MBOAT1: variants seen among roughly 807,000 people sequenced by gnomAD.
MBOAT1 encodes membrane bound glycerophospholipid O-acyltransferase 1.
A neutral mutation model predicts 64.4 loss-of-function variants in MBOAT1; 67 were observed. That is an observed-to-expected ratio of 1.04 (90% confidence interval 0.85 to 1.27). The LOEUF (loss-of-function observed/expected upper bound fraction) is 1.27, where lower values mean the gene tolerates loss of function less well. Among genes scored for constraint, MBOAT1 ranks in the 50% most tolerant of loss-of-function variants. MBOAT1 has a pLI of 0.00. For synonymous variants in MBOAT1, 229 were observed against 218.9 expected (o/e 1.05, Z -0.41); for missense variants, 563 against 604.6 (o/e 0.93, Z 0.72).
intron 6 of MBOAT1, among the ~76,000 whole-genome samples, chr6:20,127,558 A>C (rs1760696369): frequency 6.6e-6 from 1 of 152,160 alleles, no homozygotes; most frequent in African/African-American, 2.4e-5. Context: ...CAGCAGCGGC[A>C]TTAGATTCTC....
intron 1 of MBOAT1, among the ~76,000 whole-genome samples, chr6:20,164,647 T>A (rs199714468): frequency 7.0e-6 from 1 of 143,528 alleles, no homozygotes; most frequent in Non-Finnish European, 1.6e-5. Flanking sequence ...TTAAAAAAAT[T>A]TTTTTTAAGT....
At chr6:20,158,263 A>T (rs1314481647) in intron 1 of MBOAT1, among the ~76,000 whole-genome samples, 1 of 152,214 alleles carries the variant, frequency 6.6e-6, no homozygotes, top group Non-Finnish European at 1.5e-5. Flanking sequence ...GAGTCCACAA[A>T]TAAGCCTACT....
chr6:20,192,995 CTTTTTTTTTTTTTTTTTT>C (rs1174816793), intron 1 of MBOAT1, among the ~76,000 whole-genome samples: 1 of 55,036 alleles, frequency 1.8e-5, no homozygotes, highest in South Asian at 7.9e-4. Flanking sequence ...GCTATAATTT[CTTTTTTTTTTTTTTTTTT>C]TTTTTTTTTT....
chr6:20,102,323 T>G lies in MBOAT1; in HGVS notation c.1451A>C (p.Gln484Pro), dbSNP rs1561742057. 6.2e-7 allele frequency: 1 copy of G among 1,614,146 alleles called. No homozygotes were observed. The highest frequency in any genetic ancestry group is 8.5e-7 in the Non-Finnish European group (1 of 1,179,994). Residue 484 changes from glutamine (Q) to proline (P), a missense_variant, in exon 13 of 13, where the codon CAG (glutamine) becomes CCG (proline). Coordinates refer to ENST00000324607, the MANE Select transcript of MBOAT1 (RefSeq NM_001080480.3). ...KPQAHTQRRP[Q>P]TLNSINKRKT... ...TCTCTTATTAATAGAGTTCAGAGTC[T>G]GAGGCCGCCTTTGCGTATGAGCTTG...
At chr6:20,204,288 C>T (rs1463942234) in intron 1 of MBOAT1, among the ~76,000 whole-genome samples, 1 of 152,132 alleles carries the variant, frequency 6.6e-6, no homozygotes, top group Non-Finnish European at 1.5e-5. Flanking sequence ...GCATTGGGCA[C>T]GTGATATTTC....
At chr6:20,122,832 A>C (rs1760532469) in intron 8 of MBOAT1, among the ~76,000 whole-genome samples, 1 of 152,118 alleles carries the variant, frequency 6.6e-6, no homozygotes, top group Admixed American at 6.5e-5. Flanking sequence ...ACAATGAAAA[A>C]AAAATTATTT....
chr6:20,195,241 C>T (rs548382751), intron 1 of MBOAT1, among the ~76,000 whole-genome samples: 2 of 152,326 alleles, frequency 1.3e-5, no homozygotes, highest in Admixed American at 1.3e-4. Flanking sequence ...GCATGAGCCA[C>T]CGTGCCAGCC....
intron 3 of MBOAT1, among the ~76,000 whole-genome samples, chr6:20,146,443 T>C (rs1240216958): frequency 6.6e-6 from 1 of 152,236 alleles, no homozygotes; most frequent in African/African-American, 2.4e-5. Flanking sequence ...TTCTCTATCA[T>C]GGGTTCATCC....
At chr6:20,129,262 G>A (rs1410199876) in intron 5 of MBOAT1, among the ~76,000 whole-genome samples, 1 of 152,136 alleles carries the variant, frequency 6.6e-6, no homozygotes, top group Non-Finnish European at 1.5e-5. Flanking sequence ...AAATAAAATG[G>A]GGGAAATGTA....
At chr6:20,149,085 A>G (rs1761413330) in intron 3 of MBOAT1, among the ~76,000 whole-genome samples, 1 of 142,168 alleles carries the variant, frequency 7.0e-6, no homozygotes, top group African/African-American at 2.6e-5. Flanking sequence ...TGGGCAACAG[A>G]GTGAGACTCT....
At chr6:20,109,881 C>A in intron 11 of MBOAT1, 132 bp from the exon 12 acceptor site, 1 of 513,116 alleles carries the variant, frequency 1.9e-6, no homozygotes, top group Non-Finnish European at 3.0e-6. Flanking sequence ...GTTGTATTTT[C>A]GACTACAAAT....
At chr6:20,143,754 T>A (rs1017748570) in intron 4 of MBOAT1, among the ~76,000 whole-genome samples, 3 of 152,070 alleles carry the variant, frequency 2.0e-5, no homozygotes, top group Non-Finnish European at 4.4e-5. Context: ...CTAAATTTTT[T>A]TAAAAAGTTT....
chr6:20,106,017 A>G (rs1759944459), intron 12 of MBOAT1, among the ~76,000 whole-genome samples: 1 of 152,216 alleles, frequency 6.6e-6, no homozygotes, highest in African/African-American at 2.4e-5. Context: ...GACTACACCT[A>G]ACAACGAAGT....
At chr6:20,152,350 T>A (rs1435126586) in intron 2 of MBOAT1, among the ~76,000 whole-genome samples, 13,926 of 61,348 alleles carry the variant, frequency 0.23, 694 homozygotes, top group Admixed American at 0.25. Flanking sequence ...AAAAAATAAA[T>A]AAATAAATAA....
At chr6:20,179,847 G>A (rs894810077) in intron 1 of MBOAT1, among the ~76,000 whole-genome samples, 1 of 152,028 alleles carries the variant, frequency 6.6e-6, no homozygotes, top group African/African-American at 2.4e-5. Context: ...TTTAATAATA[G>A]CCATTCTGAC....
intron 1 of MBOAT1, among the ~76,000 whole-genome samples, chr6:20,157,628 A>C (rs1333114039): frequency 6.6e-6 from 1 of 152,182 alleles, no homozygotes; most frequent in Non-Finnish European, 1.5e-5. Flanking sequence ...TGGTATCCCC[A>C]AAACATCCTC....
intron 2 of MBOAT1, among the ~76,000 whole-genome samples, chr6:20,151,755 C>T (rs146876804): frequency 1.4e-3 from 216 of 152,294 alleles, no homozygotes; most frequent in African/African-American, 4.7e-3. Flanking sequence ...AGCTTCTTCC[C>T]TAACACCTTT....
intron 12 of MBOAT1, among the ~76,000 whole-genome samples, chr6:20,107,310 G>A (rs915409922): frequency 2.0e-5 from 3 of 152,024 alleles, no homozygotes; most frequent in African/African-American, 4.8e-5. Flanking sequence ...TCGGAGCTTC[G>A]TGCTACACTA....
intron 10 of MBOAT1, among the ~76,000 whole-genome samples, chr6:20,115,075 T>C (rs181705625): frequency 1.3e-4 from 20 of 152,274 alleles, no homozygotes; most frequent in Non-Finnish European, 1.5e-5. Flanking sequence ...TATACAGGAA[T>C]GGCAGCATTC....
Sources: allele counts gnomAD v4.1 joint callset (sites outside exome capture counted in the v4.1 genomes callset), GRCh38; gene constraint gnomAD v4.1.1; transcripts MANE v1.5; gene names NCBI Gene and HGNC (gene_info 2026-07-23, HGNC 2026-07-21).